The following NLGN1 variants were observed in gnomAD, a reference collection of about 807,000 sequenced individuals.
NLGN1 encodes neuroligin-1.
NLGN1 carries 12 observed loss-of-function variants against 65.5 expected under a neutral mutation model. The observed-to-expected ratio is 0.18, with a 90% CI of 0.12 to 0.30. The LOEUF is 0.30. NLGN1 is among the 10% of genes least tolerant of loss of function. The probability of loss-of-function intolerance (pLI) is 1.00; values close to 1 mark genes in which losing one functional copy is unlikely to be tolerated. For synonymous variants in NLGN1, 350 were observed against 359.5 expected, an observed-to-expected ratio of 0.97 and a Z score of 0.30; for missense variants, 750 against 1,007.1, an observed-to-expected ratio of 0.74 and a Z score of 3.46.
intron 4 of NLGN1, among the ~76,000 whole-genome samples, chr3:173,911,386 A>G (rs1739561321): frequency 1.3e-5 from 2 of 152,206 alleles, no homozygotes; most frequent in African/African-American, 4.8e-5. Context: ...GAATGCAAAA[A>G]TACTCCTTAA....
chr3:174,156,934 A>C (rs1725554477), intron 4 of NLGN1, among the ~76,000 whole-genome samples: 1 of 150,850 alleles, frequency 6.6e-6, no homozygotes, highest in Admixed American at 6.7e-5. Context: ...AAATTGCGTG[A>C]TTTTAAAAAT....
At position 173,693,812 on chromosome 3, in the gene NLGN1, C is replaced by T. The variant is rs539717664; in HGVS notation, c.493+88721C>T. 9.9e-5 allele frequency among the ~76,000 whole-genome samples: 15 copies of T among 151,984 alleles called. No homozygotes were observed. In the South Asian group the frequency reaches 1.9e-3, roughly 19 times the overall value. On this transcript the variant is annotated intron_variant, in intron 3 of 6. Transcript: ENST00000457714. Reference sequence around the variant, plus strand: ...GTAAGTTTTTTGTGTTATTTTGGGTCGCTGAAGTATCCAGAACTAACATTT... The same window carrying T: ...GTAAGTTTTTTGTGTTATTTTGGGTTGCTGAAGTATCCAGAACTAACATTT...
intron 4 of NLGN1, among the ~76,000 whole-genome samples, chr3:173,860,700 G>C (rs969201755): frequency 6.6e-6 from 1 of 152,190 alleles, no homozygotes; most frequent in Non-Finnish European, 1.5e-5. Flanking sequence ...CCTCTAGTCT[G>C]TAATAAAGAG....
At chr3:174,106,275 C>G (rs192691528) in intron 4 of NLGN1, among the ~76,000 whole-genome samples, 242 of 152,082 alleles carry the variant, frequency 1.6e-3, no homozygotes, top group Non-Finnish European at 2.3e-3. Flanking sequence ...AGCATTATGC[C>G]TGGTATATAT....
intron 4 of NLGN1, among the ~76,000 whole-genome samples, chr3:173,842,344 T>C (rs1724952867): frequency 6.6e-6 from 1 of 152,070 alleles, no homozygotes. Flanking sequence ...CTGCCTAATC[T>C]CACGTCCTCC....
At chr3:173,889,088 C>G (rs910242810) in intron 4 of NLGN1, among the ~76,000 whole-genome samples, 3 of 152,042 alleles carry the variant, frequency 2.0e-5, no homozygotes, top group African/African-American at 7.2e-5. Context: ...AGAGTGACAG[C>G]TATGTATTTC....
At chr3:173,805,901 T>C (rs1403842734) in intron 3 of NLGN1, among the ~76,000 whole-genome samples, 2 of 152,180 alleles carry the variant, frequency 1.3e-5, no homozygotes, top group Non-Finnish European at 2.9e-5. Flanking sequence ...GTCTAACATC[T>C]CCACAAGCCC....
intron 2 of NLGN1, among the ~76,000 whole-genome samples, chr3:173,481,561 G>C (rs1727289096): frequency 6.6e-6 from 1 of 151,356 alleles, no homozygotes. Flanking sequence ...ATTTGTTTTG[G>C]ATGTAATATT....
At chr3:174,216,460 G>A (rs1343787471) in intron 4 of NLGN1, among the ~76,000 whole-genome samples, 7 of 152,002 alleles carry the variant, frequency 4.6e-5, no homozygotes, top group Non-Finnish European at 7.4e-5. Flanking sequence ...CATCAACTAT[G>A]CAAGGTGCTG....
chr3:174,078,158 G>A (rs924030987), intron 4 of NLGN1, among the ~76,000 whole-genome samples: 1 of 152,140 alleles, frequency 6.6e-6, no homozygotes, highest in Non-Finnish European at 1.5e-5. Context: ...CACTAGTGAG[G>A]TTTTCAAGGA....
At chr3:173,678,163 A>G (rs1375621046) in intron 3 of NLGN1, among the ~76,000 whole-genome samples, 1 of 152,128 alleles carries the variant, frequency 6.6e-6, no homozygotes, top group Non-Finnish European at 1.5e-5. Context: ...CTTTAATGTG[A>G]CAAGGGCAGT....
chr3:173,538,138 C>T (rs923700308), intron 2 of NLGN1, among the ~76,000 whole-genome samples: 29 of 152,232 alleles, frequency 1.9e-4, no homozygotes, highest in African/African-American at 6.5e-4. Context: ...TGTTTCCACC[C>T]TTGATTCCCA....
At chr3:173,423,240 A>G (rs1308149312) in intron 1 of NLGN1, among the ~76,000 whole-genome samples, 1 of 152,198 alleles carries the variant, frequency 6.6e-6, no homozygotes, top group Non-Finnish European at 1.5e-5. Flanking sequence ...TGGGATTACA[A>G]TTTGAGATTA....
chr3:173,452,433 G>A (rs247982), intron 2 of NLGN1, among the ~76,000 whole-genome samples: 15,543 of 152,094 alleles, frequency 0.1, 879 homozygotes, highest in Admixed American at 0.14. Context: ...TGATCCACCC[G>A]CCTTGGCCTC....
chr3:174,215,754 A>C (rs1737474169), intron 4 of NLGN1, among the ~76,000 whole-genome samples: 1 of 152,198 alleles, frequency 6.6e-6, no homozygotes, highest in Non-Finnish European at 1.5e-5. Flanking sequence ...AAAACTGTGG[A>C]AATCTAACAG....
intron 4 of NLGN1, among the ~76,000 whole-genome samples, chr3:174,198,331 T>C (rs1733839161): frequency 6.6e-6 from 1 of 152,194 alleles, no homozygotes; most frequent in Non-Finnish European, 1.5e-5. Context: ...ACTATAGAGT[T>C]TGGATTTGAG....
At chr3:174,078,234 C>T (rs997542163) in intron 4 of NLGN1, among the ~76,000 whole-genome samples, 1 of 152,052 alleles carries the variant, frequency 6.6e-6, no homozygotes, top group Non-Finnish European at 1.5e-5. Flanking sequence ...AAAAGGATGA[C>T]TAGTATGTGT....
At chr3:173,432,722 T>C (rs1717411600) in intron 1 of NLGN1, among the ~76,000 whole-genome samples, 1 of 152,174 alleles carries the variant, frequency 6.6e-6, no homozygotes, top group Admixed American at 6.6e-5. Context: ...TTTATTGTAA[T>C]CAATTACAGC....
chr3:173,918,077 T>C (rs1741102728), intron 4 of NLGN1, among the ~76,000 whole-genome samples: 1 of 152,166 alleles, frequency 6.6e-6, no homozygotes, highest in Admixed American at 6.5e-5. Flanking sequence ...ATGGTTATCA[T>C]ATTGGCACAT....
Sources: allele counts gnomAD v4.1 joint callset (sites outside exome capture counted in the v4.1 genomes callset), GRCh38; gene constraint gnomAD v4.1.1; transcripts MANE v1.5; gene names NCBI Gene and HGNC (gene_info 2026-07-23, HGNC 2026-07-21).